The following LSAMP variants were observed in gnomAD, a reference collection of about 807,000 sequenced individuals.
LSAMP encodes limbic system associated membrane protein, also known as limbic system-associated membrane protein.
Under a neutral mutation model 38.6 loss-of-function variants are expected in LSAMP, and 7 were observed. That is an observed-to-expected ratio of 0.18 (90% CI 0.10 to 0.34). The LOEUF (loss-of-function observed/expected upper bound fraction) is 0.34. LSAMP is among the 10% of genes least tolerant of loss of function. The pLI, the probability that LSAMP is intolerant of heterozygous loss-of-function variation, is 1.00. For synonymous variants in LSAMP, 154 were observed against 166.8 expected, an observed-to-expected ratio of 0.92 and a Z score of 0.59; for missense variants, 313 against 420.0, an observed-to-expected ratio of 0.75 and a Z score of 2.23.
chr3:116,168,483 AT>A (rs1710116702), intron 1 of LSAMP, among the ~76,000 whole-genome samples: 1 of 152,234 alleles, frequency 6.6e-6, no homozygotes. Context: ...AAGACATAAA[AT>A]TTTAATGAGA....
At chr3:116,291,996 A>G (rs72948002) in intron 1 of LSAMP, among the ~76,000 whole-genome samples, 1 of 152,178 alleles carries the variant, frequency 6.6e-6, no homozygotes, top group African/African-American at 2.4e-5. Context: ...CCCAAGCTTT[A>G]AGATCACCAC....
At chr3:116,069,394 G>T (rs1243224752) in intron 2 of LSAMP, among the ~76,000 whole-genome samples, 1 of 152,138 alleles carries the variant, frequency 6.6e-6, no homozygotes, top group East Asian at 1.9e-4. Context: ...ACTCATTCCG[G>T]GTCAGACTCT....
At chr3:116,030,762 G>C (rs533646092) in intron 2 of LSAMP, among the ~76,000 whole-genome samples, 1 of 152,194 alleles carries the variant, frequency 6.6e-6, no homozygotes, top group Non-Finnish European at 1.5e-5. Flanking sequence ...GAAAAGAAAA[G>C]TGTACTTTTC....
intron 1 of LSAMP, among the ~76,000 whole-genome samples, chr3:116,091,826 C>A (rs892514191): frequency 6.6e-6 from 1 of 152,254 alleles, no homozygotes; most frequent in East Asian, 1.9e-4. Context: ...GTTAGTGCCA[C>A]GAGGAGAGGA....
intron 1 of LSAMP, among the ~76,000 whole-genome samples, chr3:116,211,495 A>T (rs2046156049): frequency 6.6e-6 from 1 of 152,234 alleles, no homozygotes; most frequent in Non-Finnish European, 1.5e-5. Flanking sequence ...ATTGATAAAT[A>T]ATAAAGCAAT....
chr3:115,961,688 C>G (rs1938630147), intron 3 of LSAMP, among the ~76,000 whole-genome samples: 1 of 152,196 alleles, frequency 6.6e-6, no homozygotes, highest in African/African-American at 2.4e-5. Context: ...CCTCCTTCCT[C>G]CACTCTCTTC....
At chr3:116,371,969 T>G (rs2048436035) in intron 1 of LSAMP, among the ~76,000 whole-genome samples, 1 of 151,956 alleles carries the variant, frequency 6.6e-6, no homozygotes, top group South Asian at 2.1e-4. Context: ...GGAATAAACT[T>G]AATAATAAGA....
chr3:116,113,400 C>CTATATATA (rs5851991), intron 1 of LSAMP, among the ~76,000 whole-genome samples: 12 of 87,124 alleles, frequency 1.4e-4, no homozygotes, highest in African/African-American at 3.5e-4. Flanking sequence ...TATGTTTGCC[C>CTATATATA]TATATATATA....
At chr3:116,337,382 C>T (rs983522397) in intron 1 of LSAMP, among the ~76,000 whole-genome samples, 9 of 151,992 alleles carry the variant, frequency 5.9e-5, no homozygotes, top group South Asian at 2.1e-4. Context: ...GATATCTGTT[C>T]GAACCCTACA....
At chr3:116,410,510 GAACA>G (rs1186006718) in intron 1 of LSAMP, among the ~76,000 whole-genome samples, 1 of 151,476 alleles carries the variant, frequency 6.6e-6, no homozygotes, top group African/African-American at 2.4e-5. Flanking sequence ...TTTAAACTGG[GAACA>G]AACTTCCTTT....
At chr3:116,355,979 G>A (rs1394769557) in intron 1 of LSAMP, among the ~76,000 whole-genome samples, 1 of 152,274 alleles carries the variant, frequency 6.6e-6, no homozygotes, top group East Asian at 1.9e-4. Flanking sequence ...CTGTTGGTGA[G>A]AATGTAAATT....
chr3:116,162,045 A>G (rs752663087), intron 1 of LSAMP, among the ~76,000 whole-genome samples: 39 of 152,030 alleles, frequency 2.6e-4, no homozygotes, highest in Non-Finnish European at 4.7e-4. Context: ...TAGGGCAGGA[A>G]AGAAAGAACA....
At chr3:116,295,454 C>CATAA (rs1374783335) in intron 1 of LSAMP, among the ~76,000 whole-genome samples, 3 of 152,156 alleles carry the variant, frequency 2.0e-5, no homozygotes, top group Non-Finnish European at 4.4e-5. Flanking sequence ...TCTTGAACAG[C>CATAA]ATAAAGCTAT....
At chr3:116,352,945 T>C (rs150552670) in intron 1 of LSAMP, among the ~76,000 whole-genome samples, 51 of 152,244 alleles carry the variant, frequency 3.3e-4, no homozygotes, top group African/African-American at 1.1e-3. Context: ...TTGCTTCTTT[T>C]TCTAAAATGT....
At chr3:116,172,170 T>A (rs1476642043) in intron 1 of LSAMP, among the ~76,000 whole-genome samples, 1 of 151,922 alleles carries the variant, frequency 6.6e-6, no homozygotes, top group East Asian at 1.9e-4. Context: ...ACTGAGTAAG[T>A]GTCTATGTAC....
intron 1 of LSAMP, among the ~76,000 whole-genome samples, chr3:116,259,787 AAAAC>A (rs1268313452): frequency 4.6e-5 from 7 of 152,162 alleles, no homozygotes; most frequent in African/African-American, 1.7e-4. Context: ...CTCAACTAAA[AAAAC>A]AAACAAAAAA....
intron 3 of LSAMP, among the ~76,000 whole-genome samples, chr3:115,878,306 G>T (rs1442325645): frequency 2.0e-5 from 3 of 152,102 alleles, no homozygotes; most frequent in African/African-American, 4.8e-5. Flanking sequence ...CTGGTTATGG[G>T]ATATGTTACA....
chr3:116,322,373 C>A (rs2047716849), intron 1 of LSAMP, among the ~76,000 whole-genome samples: 1 of 152,144 alleles, frequency 6.6e-6, no homozygotes, highest in South Asian at 2.1e-4. Context: ...GCTTATTCAA[C>A]CAGAAACATG....
At chr3:115,836,242 C>A (rs367676632) in intron 6 of LSAMP, among the ~76,000 whole-genome samples, 1 of 152,246 alleles carries the variant, frequency 6.6e-6, no homozygotes, top group East Asian at 1.9e-4. Context: ...GCCTATCACG[C>A]CCCATTAGTT....
Sources: gnomAD v4.1 joint callset for allele counts (sites outside exome capture counted in the v4.1 genomes callset) on GRCh38, gnomAD v4.1.1 for gene constraint, MANE v1.5 for transcripts, NCBI Gene and HGNC (gene_info 2026-07-23, HGNC 2026-07-21) for gene names.